ZNF25: variants seen among roughly 807,000 people sequenced by gnomAD.
ZNF25 encodes zinc finger protein 25.
A neutral mutation model predicts 30.9 loss-of-function variants in ZNF25; 21 were observed. The observed-to-expected ratio is 0.68, with a 90% CI of 0.48 to 0.98. The LOEUF is 0.98. Among genes scored for constraint, ZNF25 ranks in the 50% least tolerant of loss-of-function variants. The pLI is 0.00. For synonymous variants in ZNF25, 169 were observed against 181.3 expected (o/e 0.93, Z 0.55); for missense variants, 501 against 529.9 (o/e 0.95, Z 0.54).
chr10:37,962,124 C>G (rs1260686856), intron 2 of ZNF25, among the ~76,000 whole-genome samples: 2 of 151,578 alleles, frequency 1.3e-5, no homozygotes, highest in Non-Finnish European at 2.9e-5. Context: ...AGCTTTTAAT[C>G]CCAGCTACTC....
At chr10:37,972,955 G>A (rs2063578137) in intron 1 of ZNF25, among the ~76,000 whole-genome samples, 2 of 152,016 alleles carry the variant, frequency 1.3e-5, no homozygotes, top group South Asian at 2.1e-4. Flanking sequence ...ATCACCTGAG[G>A]TTGGGAGTTC....
chr10:37,975,135 G>C (rs1590364578), intron 1 of ZNF25, among the ~76,000 whole-genome samples: 1 of 152,194 alleles, frequency 6.6e-6, no homozygotes, highest in South Asian at 2.1e-4. Flanking sequence ...GGAATGAAGA[G>C]AGGTTGGTTA....
chr10:37,971,107 G>C (rs1022484315), intron 2 of ZNF25, among the ~76,000 whole-genome samples: 1 of 152,140 alleles, frequency 6.6e-6, no homozygotes, highest in Non-Finnish European at 1.5e-5. Context: ...TTGAGGTCAG[G>C]AATTTGAGAC....
chr10:37,963,238 C>G (rs975995514), intron 2 of ZNF25, among the ~76,000 whole-genome samples: 1 of 151,966 alleles, frequency 6.6e-6, no homozygotes, highest in Non-Finnish European at 1.5e-5. Flanking sequence ...TTCCCCCGCC[C>G]CAGGCTCCCA....
rs181629385 is a variant in ZNF25, at chr10:37,975,542, A to T, written c.-86+964T>A. 7.7e-4 allele frequency among the ~76,000 whole-genome samples: 117 copies of T among 152,242 alleles called. 2 individuals carry two copies. The East Asian group carries it at 0.02, about 27-fold the overall frequency. On this transcript the variant is annotated intron_variant, in intron 1 of 5. Coordinates refer to ENST00000302609, the MANE Select transcript of ZNF25 (RefSeq NM_145011.4). ...AACTGCAGTTTTCATCTTTAAAAAA[A>T]TTTTTTGTCCCATTTCCTGTCTTTA...
In ZNF25 at chr10:37,953,031, G is replaced by C. The variant is rs1171303105; in HGVS notation, c.467C>G (p.Ser156Cys). Residue 156 changes from serine to cysteine, a missense_variant, in exon 6 of 6, where the codon TCT becomes TGT. By Grantham distance (112) the Ser-to-Cys change is moderately radical (BLOSUM62 -1). Coordinates refer to ENST00000302609, the MANE Select transcript of ZNF25 (RefSeq NM_145011.4). ...YDCDKCGKSF[S>C]KNEDLIRHQK... The stretch of plus-strand genomic sequence containing the variant: ...ATGTCTTATGAGGTCTTCATTTTTA[G>C]AGAAAGATTTCCCACATTTATCACA... 2 of 1,613,910 alleles carry C rather than the reference G, an allele frequency of 1.2e-6. No individual in the cohort carries two copies. The highest frequency in any genetic ancestry group is 2.2e-5 in the East Asian group (1 of 44,848).
intron 2 of ZNF25, among the ~76,000 whole-genome samples, chr10:37,966,390 G>T (rs966507297): frequency 4.6e-5 from 7 of 151,712 alleles, no homozygotes; most frequent in African/African-American, 1.7e-4. Context: ...CTCCAGCCTG[G>T]GTGACAGAGC....
In ZNF25 at chr10:37,964,062, G is replaced by T. The variant is rs147740928; in HGVS notation, c.16-6516C>A. Among the ~76,000 whole-genome samples, 367 of 152,120 alleles carry T rather than the reference G, an allele frequency of 2.4e-3. 1 individual carries two copies. Among genetic ancestry groups the T allele is most frequent in the African/African-American group, 8.3e-3 (345 of 41,490 alleles). On this transcript the variant is annotated intron_variant, in intron 2 of 5. Coordinates refer to ENST00000302609, the MANE Select transcript of ZNF25 (RefSeq NM_145011.4). ...CCCACTGTCACTATGTGATGTACTGGCTCCTGCTTCACTTTCTGCCCTAAG... is the reference window on the plus strand; with the variant it reads ...CCCACTGTCACTATGTGATGTACTGTCTCCTGCTTCACTTTCTGCCCTAAG...
Position 37,956,906 on chromosome 10 carries a change from AC to A in ZNF25, c.238+113del. ...CTCCAGCCTGGACAACAAGAGTGAA[AC>A]TCTGTTTCAAAAAAAAAAAAAAAAA... On this transcript the variant is annotated intron_variant, in intron 4 of 5. Transcript: ENST00000302609. 4 of 717,966 alleles carry A rather than the reference AC, an allele frequency of 5.6e-6. No individual in the cohort carries two copies. The East Asian group carries it at 1.1e-4, about 20-fold the overall frequency. The allele number at this position is 717,966 out of a possible 1,614,324, so 44.5% of individuals were successfully genotyped here. A position where few individuals can be genotyped will look rare whatever the true frequency, so the allele number is the denominator to read the frequency against.
intron 2 of ZNF25, among the ~76,000 whole-genome samples, chr10:37,960,873 A>G (rs1161876767): frequency 6.6e-6 from 1 of 152,188 alleles, no homozygotes; most frequent in Non-Finnish European, 1.5e-5. Flanking sequence ...GAAAACTGTA[A>G]TAAGTAAGCA....
Position 37,952,716 on chromosome 10 carries a change from T to C in ZNF25, c.782A>G (p.Lys261Arg). 6.2e-7 allele frequency: 1 copy of C among 1,613,544 alleles called. No individual in the cohort carries two copies. The highest frequency in any genetic ancestry group is 8.5e-7 in the Non-Finnish European group (1 of 1,179,862). Residue 261 changes from lysine (K) to arginine (R), a missense_variant, in exon 6 of 6, where the codon AAG becomes AGG. Physicochemically the swap from Lys to Arg is conservative, Grantham distance 26. Transcript: ENST00000302609. The stretch of plus-strand genomic sequence containing the variant: ...CTGGGAAAAGGCTTTCCCACACTCC[T>C]TACACTCATAGGGTTTCTCCCCTGT... ...THTGEKPYEC[K>R]ECGKAFSQKS... is the part of the protein sequence containing the mutation.
Position 37,951,631 on chromosome 10 carries a change from T to G in ZNF25, c.*496A>C, listed in dbSNP as rs919030714. On this transcript the variant is annotated 3_prime_UTR_variant, in exon 6 of 6. Transcript: ENST00000302609. ...GATCTGAAATTGAATGAAACATCAATTCTTAATAAAGGCTTCTATATCTAC... is the reference window on the plus strand; with the variant it reads ...GATCTGAAATTGAATGAAACATCAAGTCTTAATAAAGGCTTCTATATCTAC... The G allele has an allele frequency of 1.3e-5, 2 of 152,696 alleles. No individual in the cohort carries two copies. The highest frequency in any genetic ancestry group is 6.5e-5 in the Admixed American group (1 of 15,286). The allele number at this position is 152,696 out of a possible 1,614,324, so 9.5% of individuals were successfully genotyped here. A position where few individuals can be genotyped will look rare whatever the true frequency, so the allele number is the denominator to read the frequency against.
intron 4 of ZNF25, among the ~76,000 whole-genome samples, chr10:37,955,821 C>A (rs1333848099): frequency 6.6e-6 from 1 of 152,040 alleles, no homozygotes; most frequent in Non-Finnish European, 1.5e-5. Context: ...ATAGCTGGGA[C>A]TACAGGTGTG....
chr10:37,972,663 A>G (rs2063555596), intron 1 of ZNF25, among the ~76,000 whole-genome samples: 1 of 152,242 alleles, frequency 6.6e-6, no homozygotes, highest in Non-Finnish European at 1.5e-5. Flanking sequence ...TCATATAGGT[A>G]GCAAAAGGCA....
At position 37,951,962 on chromosome 10, in the gene ZNF25, A is replaced by G. The variant is rs948907550; in HGVS notation, c.*165T>C. On this transcript the variant is annotated 3_prime_UTR_variant, in exon 6 of 6. Transcript: ENST00000302609. Reference sequence around the variant, plus strand: ...TAAAATATGATAAAATTTTCTCCCAAATAAATGTACAGAATCTCTCTATGT... The same window carrying G: ...TAAAATATGATAAAATTTTCTCCCAGATAAATGTACAGAATCTCTCTATGT... 1.3e-5 allele frequency: 7 copies of G among 535,088 alleles called. No homozygotes were observed. The African/African-American group carries it at 1.4e-4, about 10-fold the overall frequency. The allele number at this position is 535,088 out of a possible 1,614,324, so 33.1% of individuals were successfully genotyped here. A position where few individuals can be genotyped will look rare whatever the true frequency, so the allele number is the denominator to read the frequency against.
chr10:37,955,394 A>T (rs1183427748), intron 4 of ZNF25, among the ~76,000 whole-genome samples: 1 of 152,170 alleles, frequency 6.6e-6, no homozygotes, highest in Non-Finnish European at 1.5e-5. Context: ...GGCTTCTGGC[A>T]ATGTACATCT....
chr10:37,956,952 A>G, intron 4 of ZNF25, 68 bp downstream of exon 4: 2 of 1,160,832 alleles, frequency 1.7e-6, no homozygotes, highest in Non-Finnish European at 2.5e-6. Flanking sequence ...ATTGCCGAAA[A>G]GTACTTCAGA....
intron 2 of ZNF25, among the ~76,000 whole-genome samples, chr10:37,965,132 G>A (rs750459587): frequency 2.0e-5 from 3 of 152,160 alleles, no homozygotes; most frequent in Non-Finnish European, 4.4e-5. Context: ...GCATGAAGGA[G>A]GCTTGGCAGC....
In ZNF25 at chr10:37,976,538, G is replaced by C. The variant is rs994389994; in HGVS notation, c.-118C>G. 6.6e-6 allele frequency: 1 copy of C among 152,400 alleles called. No individual in the cohort carries two copies. Among genetic ancestry groups the C allele is most frequent in the Admixed American group, 6.5e-5 (1 of 15,282 alleles). 9.4% of individuals were successfully genotyped at this position (152,400 alleles called of 1,614,324 possible). ...GTCTCGGCCTCTGCTCCCGGCCCGC[G>C]CCGGGCCCAGGCCCCGCCCTTTGCG... On this transcript the variant is annotated 5_prime_UTR_variant, in exon 1 of 6. Transcript: ENST00000302609.
Sources: allele counts gnomAD v4.1 joint callset (sites outside exome capture counted in the v4.1 genomes callset), GRCh38; gene constraint gnomAD v4.1.1; transcripts MANE v1.5; gene names NCBI Gene and HGNC (gene_info 2026-07-23, HGNC 2026-07-21).